TMEM87B: variants seen among roughly 807,000 people sequenced by gnomAD.
TMEM87B encodes transmembrane protein 87B.
TMEM87B carries 83 observed loss-of-function variants against 80.3 expected under a neutral mutation model. That is an observed-to-expected ratio of 1.03 (90% confidence interval 0.87 to 1.24). The LOEUF (loss-of-function observed/expected upper bound fraction) is 1.24, where lower values mean the gene tolerates loss of function less well. TMEM87B is among the 50% of genes most tolerant of loss of function. TMEM87B has a pLI of 0.00. For missense variants in TMEM87B, 625 were observed against 674.4 expected, an observed-to-expected ratio of 0.93 and a Z score of 0.81; for synonymous variants, 219 against 230.5, an observed-to-expected ratio of 0.95 and a Z score of 0.45.
chr2:112,099,244 A>G (rs1422762301), intron 14 of TMEM87B, among the ~76,000 whole-genome samples: 2 of 152,138 alleles, frequency 1.3e-5, no homozygotes, highest in East Asian at 1.9e-4. Flanking sequence ...AAAAAATGAA[A>G]AAGTATGTAC....
At position 112,119,193 on chromosome 2, in the gene TMEM87B, G is replaced by A. The variant is rs897885369; in HGVS notation, c.*3050G>A. 3.3e-5 allele frequency: 5 copies of A among 152,220 alleles called. No individual in the cohort carries two copies. Among genetic ancestry groups the A allele is most frequent in the Middle Eastern group, 3.4e-3 (1 of 294 alleles). 9.4% of individuals were successfully genotyped at this position (152,220 alleles called of 1,614,324 possible). ...CTATTTTAAAAAGTTAAATTATTCCGTAATTTGGAAGAAGTTTCGTTGAAT... is the reference window on the plus strand; with the variant it reads ...CTATTTTAAAAAGTTAAATTATTCCATAATTTGGAAGAAGTTTCGTTGAAT... On this transcript the variant is annotated 3_prime_UTR_variant, in exon 19 of 19. Transcript: ENST00000283206.
chr2:112,098,102 G>A (rs1394422281), intron 13 of TMEM87B, among the ~76,000 whole-genome samples: 1 of 152,062 alleles, frequency 6.6e-6, no homozygotes, highest in Admixed American at 6.5e-5. Flanking sequence ...AGCCTCCCGA[G>A]TCGAGTGATG....
chr2:112,097,317 A>G (rs767329124), intron 13 of TMEM87B, 26 bp downstream of exon 13: 2 of 1,537,014 alleles, frequency 1.3e-6, no homozygotes, highest in South Asian at 1.2e-5. Context: ...CTATTTAAAC[A>G]GTTATTTTTA....
chr2:112,057,867 G>A (rs1171117620), intron 1 of TMEM87B, among the ~76,000 whole-genome samples: 1 of 142,758 alleles, frequency 7.0e-6, no homozygotes, highest in African/African-American at 2.6e-5. Flanking sequence ...CGCTTTTGCT[G>A]CCCAGGCTGG....
At chr2:112,097,841 C>T (rs1679518403) in intron 13 of TMEM87B, among the ~76,000 whole-genome samples, 1 of 151,256 alleles carries the variant, frequency 6.6e-6, no homozygotes, top group South Asian at 2.1e-4. Context: ...AATAAATTCT[C>T]TTCCTGTATA....
chr2:112,077,361 C>G lies in TMEM87B; in HGVS notation c.592+79C>G, dbSNP rs186586886. 100 of 656,918 alleles carry G rather than the reference C, an allele frequency of 1.5e-4. 1 individual carries two copies. The highest frequency in any genetic ancestry group is 1.5e-3 in the East Asian group (51 of 34,880). The allele number at this position is 656,918 out of a possible 1,614,324, so 40.7% of individuals were successfully genotyped here. The stretch of plus-strand genomic sequence containing the variant: ...TTTGTCACTGACCTGAGTCAACATT[C>G]TCTGTTTCAAATACATCATTCAAAA... On this transcript the variant is annotated intron_variant, in intron 6 of 18. Coordinates refer to ENST00000283206, the MANE Select transcript of TMEM87B (RefSeq NM_032824.3).
intron 8 of TMEM87B, among the ~76,000 whole-genome samples, chr2:112,083,882 G>A (rs1679069948): frequency 6.6e-6 from 1 of 152,186 alleles, no homozygotes; most frequent in South Asian, 2.1e-4. Context: ...TAGGGGCATA[G>A]AGAATCATTT....
At chr2:112,082,343 G>A (rs1168010877) in intron 8 of TMEM87B, among the ~76,000 whole-genome samples, 2 of 152,050 alleles carry the variant, frequency 1.3e-5, no homozygotes, top group Non-Finnish European at 1.5e-5. Context: ...CTGCAGCCTC[G>A]ACCTCCAGGC....
intron 4 of TMEM87B, among the ~76,000 whole-genome samples, chr2:112,070,090 A>G (rs1678578050): frequency 6.6e-6 from 1 of 152,022 alleles, no homozygotes; most frequent in South Asian, 2.1e-4. Context: ...TCAGATGCAT[A>G]GCTTGCAAAT....
At position 112,112,877 on chromosome 2, in the gene TMEM87B, C is replaced by G. The variant is rs747160425; in HGVS notation, c.1578-22C>G. 6 of 1,610,492 alleles carry G rather than the reference C, an allele frequency of 3.7e-6. No individual in the cohort carries two copies. The Admixed American group carries it at 6.7e-5, about 18-fold the overall frequency. On this transcript the variant is annotated intron_variant, in intron 17 of 18. Transcript: ENST00000283206. Reference sequence around the variant, plus strand: ...GCCTTACTGTTAACAACATTATCACCTTTTTTTCCCTTTTATTTCAGAGCT... The same window carrying G: ...GCCTTACTGTTAACAACATTATCACGTTTTTTTCCCTTTTATTTCAGAGCT...
At chr2:112,089,768 T>C (rs753327865) in intron 10 of TMEM87B, 50 bp downstream of exon 10, 10 of 1,555,044 alleles carry the variant, frequency 6.4e-6, no homozygotes, top group Non-Finnish European at 8.0e-6. Context: ...CTGTGAAATG[T>C]GGTTTTACTT....
chr2:112,094,575 T>G (rs991601630), intron 11 of TMEM87B, among the ~76,000 whole-genome samples: 8 of 152,164 alleles, frequency 5.3e-5, no homozygotes, highest in African/African-American at 1.9e-4. Context: ...CCATCTGGAT[T>G]TGAGTGGGGG....
At position 112,098,651 on chromosome 2, in the gene TMEM87B, C is replaced by T; in HGVS notation, c.1329C>T (p.Ile443=). The T allele has an allele frequency of 6.2e-7, 1 of 1,614,064 alleles. No individual in the cohort carries two copies. The highest frequency in any genetic ancestry group is 1.1e-5 in the South Asian group (1 of 91,070). ...DAFWSFLFSL[I]LIVIMFLWRP... ...TTTGGAGCTTCCTTTTTTCGCTTAT[C>T]CTTATTGTAATCATGTTTTTGTGGA... is the stretch of plus-strand genomic sequence containing the variant. Residue 443 remains isoleucine (I), a synonymous_variant, in exon 14 of 19, where the codon ATC becomes ATT. Coordinates refer to ENST00000283206, the MANE Select transcript of TMEM87B (RefSeq NM_032824.3).
At chr2:112,087,842 A>T (rs1485770334) in intron 9 of TMEM87B, among the ~76,000 whole-genome samples, 1 of 152,008 alleles carries the variant, frequency 6.6e-6, no homozygotes. Flanking sequence ...TGTCAAGGCC[A>T]CCATGACCTC....
At chr2:112,115,776 A>G (rs987544731) in intron 18 of TMEM87B, among the ~76,000 whole-genome samples, 1 of 152,000 alleles carries the variant, frequency 6.6e-6, no homozygotes, top group Non-Finnish European at 1.5e-5. Context: ...ATTATTGGAG[A>G]GTATGGATTA....
chr2:112,100,597 A>T (rs904480415), intron 14 of TMEM87B, 25 bp from the exon 15 acceptor site: 1 of 1,532,106 alleles, frequency 6.5e-7, no homozygotes, highest in African/African-American at 1.4e-5. Context: ...CATACTAGTA[A>T]AACTACTCCT....
At chr2:112,109,951 A>G (rs767445420) in intron 17 of TMEM87B, among the ~76,000 whole-genome samples, 3 of 151,674 alleles carry the variant, frequency 2.0e-5, no homozygotes, top group Non-Finnish European at 4.4e-5. Flanking sequence ...TTTTTAGTAG[A>G]GACGGGGTTT....
At chr2:112,115,531 T>G (rs887100267) in intron 18 of TMEM87B, among the ~76,000 whole-genome samples, 1 of 152,370 alleles carries the variant, frequency 6.6e-6, no homozygotes, top group Non-Finnish European at 1.5e-5. Context: ...AAATGCCCCT[T>G]TAAAAGGAAT....
At chr2:112,096,424 C>G (rs1444311928) in intron 11 of TMEM87B, among the ~76,000 whole-genome samples, 2 of 152,174 alleles carry the variant, frequency 1.3e-5, no homozygotes, top group African/African-American at 4.8e-5. Flanking sequence ...CCTTTTCTGC[C>G]TGACCTCTGA....
Sources: allele counts gnomAD v4.1 joint callset (sites outside exome capture counted in the v4.1 genomes callset), GRCh38; gene constraint gnomAD v4.1.1; transcripts MANE v1.5; gene names NCBI Gene and HGNC (gene_info 2026-07-23, HGNC 2026-07-21).